The following TBCD variants were observed in gnomAD, a reference collection of about 807,000 sequenced individuals.
TBCD encodes the protein tubulin folding cofactor D.
In TBCD, 105 loss-of-function variants were observed where a neutral mutation model predicts 169.3. That is an observed-to-expected ratio of 0.62 (90% CI 0.53 to 0.73). The LOEUF (loss-of-function observed/expected upper bound fraction) is 0.73, where lower values mean the gene tolerates loss of function less well. Among genes scored for constraint, TBCD ranks in the 30% least tolerant of loss-of-function variants. TBCD has a pLI of 0.00. For missense variants in TBCD, 1,444 were observed against 1,600.1 expected (o/e 0.90, Z 1.66); for synonymous variants, 700 against 643.9 (o/e 1.09, Z -1.32).
rs1220186981 is a variant in TBCD, at chr17:82,827,063, G to T, written c.1318+12129G>T. Among the ~76,000 whole-genome samples, 6 of 152,324 alleles carry T rather than the reference G, an allele frequency of 3.9e-5. No individual in the cohort carries two copies. In the East Asian group the frequency reaches 1.2e-3, roughly 29 times the overall value. On this transcript the variant is annotated intron_variant, in intron 13 of 38. Coordinates refer to ENST00000355528, the MANE Select transcript of TBCD (RefSeq NM_005993.5). The stretch of plus-strand genomic sequence containing the variant: ...TGGGATGACAGGTGTGAGCCACTAC[G>T]CCCGGCCCCTATTTTTACTTTCAGT...
rs2050926978 is a variant in TBCD, at chr17:82,805,936, G to A, written c.1012G>A (p.Glu338Lys). The change falls in exon 10 of 39, where the codon GAG (glutamate) becomes AAG (lysine). Residue 338 changes from glutamate (E) to lysine (K), a missense_variant. Transcript: ENST00000355528. Reference sequence around the variant, plus strand: ...GCAGCTCCTCACTCAGGGTCAGAGTGAGCAGAAGCCACTCATCCTGACCGA... The same window carrying A: ...GCAGCTCCTCACTCAGGGTCAGAGTAAGCAGAAGCCACTCATCCTGACCGA... ...NLQLLTQGQSEQKPLILTEDD... is the reference protein window; with the variant it reads ...NLQLLTQGQSKQKPLILTEDD... 6.2e-7 allele frequency: 1 copy of A among 1,613,836 alleles called. No homozygotes were observed. Among genetic ancestry groups the A allele is most frequent in the Non-Finnish European group, 8.5e-7 (1 of 1,179,776 alleles).
At position 82,781,442 on chromosome 17, in the gene TBCD, G is replaced by C. The variant is rs867563472; in HGVS notation, c.639-147G>C. 102 of 1,033,846 alleles carry C rather than the reference G, an allele frequency of 9.9e-5. No individual in the cohort carries two copies. The Middle Eastern group carries it at 2.0e-3, about 21-fold the overall frequency. 64.0% of individuals were successfully genotyped at this position (1,033,846 alleles called of 1,614,324 possible). On this transcript the variant is annotated intron_variant, in intron 6 of 38. Coordinates refer to ENST00000355528, the MANE Select transcript of TBCD (RefSeq NM_005993.5). ...AGAGAGGAGGAACTAGCTGGAGGAG[G>C]ACAGGACTCAGTACAGAGCTGGCAT...
At chr17:82,893,497 C>T (rs1040350003) in intron 16 of TBCD, 50 bp from the exon 17 acceptor site, 1 of 1,411,936 alleles carries the variant, frequency 7.1e-7, no homozygotes, top group African/African-American at 1.4e-5. Flanking sequence ...GGTGAAATGC[C>T]TTTGTTCATT....
intron 6 of TBCD, among the ~76,000 whole-genome samples, chr17:82,773,852 G>C (rs536370436): frequency 6.6e-6 from 1 of 151,240 alleles, no homozygotes; most frequent in East Asian, 1.9e-4. Context: ...TCAGCCTCCC[G>C]AGTAGCTGGG....
rs1456487946 is a variant in TBCD at position 82,930,711 on chromosome 17, A to AT, written c.3113+70dup. The AT allele has an allele frequency of 8.7e-6, 14 of 1,606,014 alleles. No homozygotes were observed. Among genetic ancestry groups the AT allele is most frequent in the South Asian group, 2.2e-5 (2 of 90,382 alleles). On this transcript the variant is annotated intron_variant, in intron 33 of 38. Coordinates refer to ENST00000355528, the MANE Select transcript of TBCD (RefSeq NM_005993.5). The surrounding 1 kb of genome is among the most constrained non-coding windows in gnomAD (Gnocchi z 5.2). ...GGTGCCTCTCACCACGTTCCCACAG[A>AT]TTCCCGGGGTCTCGCAGGGTCTGTC...
chr17:82,772,628 C>G, intron 6 of TBCD, 121 bp downstream of exon 6: 1 of 1,076,736 alleles, frequency 9.3e-7, no homozygotes, highest in Non-Finnish European at 1.4e-6. Context: ...AGTCTTTGGA[C>G]TCTGTGGCTT....
At chr17:82,770,436 C>T (rs1325828198) in intron 5 of TBCD, among the ~76,000 whole-genome samples, 1 of 151,814 alleles carries the variant, frequency 6.6e-6, no homozygotes, top group African/African-American at 2.4e-5. Flanking sequence ...CTTGTCTCTA[C>T]TAAAAATACA....
chr17:82,913,808 G>C (rs79033143), intron 23 of TBCD: 1 of 152,292 alleles, frequency 6.6e-6, no homozygotes, highest in Non-Finnish European at 1.5e-5. Context: ...GCTGTTGGCC[G>C]CAGGGCACCG....
In TBCD at chr17:82,945,299, C is replaced by G. The variant is rs1026299956; in HGVS notation, c.*2836C>G. 6.6e-6 allele frequency: 1 copy of G among 152,182 alleles called. No individual in the cohort carries two copies. The highest frequency in any genetic ancestry group is 1.5e-5 in the Non-Finnish European group (1 of 68,042). 9.4% of individuals were successfully genotyped at this position (152,182 alleles called of 1,614,324 possible). A position where few individuals can be genotyped will look rare whatever the true frequency, so the allele number is the denominator to read the frequency against. ...CAAGAGACATTGAAGAATGTCTAAC[C>G]TTTGGGTAATTGGGGTCTCAGAATG... On this transcript the variant is annotated 3_prime_UTR_variant, in exon 39 of 39. Coordinates refer to ENST00000355528, the MANE Select transcript of TBCD (RefSeq NM_005993.5).
intron 35 of TBCD, chr17:82,937,561 G>A (rs900618121): frequency 4.9e-6 from 3 of 616,356 alleles, no homozygotes; most frequent in African/African-American, 3.7e-5. Flanking sequence ...GAGTTCCCGC[G>A]GGAACAGGCG....
intron 37 of TBCD, among the ~76,000 whole-genome samples, chr17:82,941,195 C>T (rs528919972): frequency 1.3e-5 from 2 of 152,374 alleles, no homozygotes; most frequent in African/African-American, 2.4e-5. Context: ...CGTCCTCCTG[C>T]GATTCCGGAA....
chr17:82,934,713 C>A (rs1255590642), intron 34 of TBCD, among the ~76,000 whole-genome samples: 1 of 151,856 alleles, frequency 6.6e-6, no homozygotes. Flanking sequence ...CTGAGGTGAT[C>A]TGCCCACTTC....
In TBCD at chr17:82,874,502, C is replaced by A. The variant is rs1024538568; in HGVS notation, c.1475+4122C>A. On this transcript the variant is annotated intron_variant, in intron 14 of 38. Coordinates refer to ENST00000355528, the MANE Select transcript of TBCD (RefSeq NM_005993.5). The surrounding 1 kb of genome is among the most constrained non-coding windows in gnomAD (Gnocchi z 5.0). ...GGGCTCGCAGCTCACAGGCTTCTGA[C>A]GCCTCAGCCTGGAGCTGGCGTTGTG... Among the ~76,000 whole-genome samples, 1 of 152,126 alleles carries A rather than the reference C, an allele frequency of 6.6e-6. No homozygotes were observed. Among genetic ancestry groups the A allele is most frequent in the Non-Finnish European group, 1.5e-5 (1 of 68,006 alleles).
intron 20 of TBCD, 69 bp from the exon 21 acceptor site, chr17:82,907,692 T>C: frequency 1.3e-6 from 2 of 1,553,624 alleles, no homozygotes; most frequent in Non-Finnish European, 1.8e-6. Flanking sequence ...TGGCCTCAGC[T>C]CCTCCGAGTG....
chr17:82,900,834 G>C (rs551458780), intron 18 of TBCD, 103 bp downstream of exon 18: 761 of 850,704 alleles, frequency 8.9e-4, no homozygotes, highest in Non-Finnish European at 1.2e-3. Flanking sequence ...TGTGGATGTC[G>C]TATTTTAAAA....
rs1347015485 is a variant in TBCD, at chr17:82,832,213, G to C, written c.1318+17279G>C. 2 of 1,614,256 alleles carry C rather than the reference G, an allele frequency of 1.2e-6. No individual in the cohort carries two copies. Among genetic ancestry groups the C allele is most frequent in the Admixed American group, 1.7e-5 (1 of 60,032 alleles). On this transcript the variant is annotated intron_variant, in intron 13 of 38. Coordinates refer to ENST00000355528, the MANE Select transcript of TBCD (RefSeq NM_005993.5). The surrounding 1 kb of genome is among the most constrained non-coding windows in gnomAD (Gnocchi z 4.9). Reference sequence around the variant, plus strand: ...CTTGGAAGAGGCTGGCTTCGCCGTGGCATCGGGCTGGTTGGTTTGCTTGGG... The same window carrying C: ...CTTGGAAGAGGCTGGCTTCGCCGTGCCATCGGGCTGGTTGGTTTGCTTGGG...
At position 82,909,445 on chromosome 17, in the gene TBCD, C is replaced by T. The variant is rs1448884730; in HGVS notation, c.2006+138C>T. On this transcript the variant is annotated intron_variant, in intron 22 of 38. Coordinates refer to ENST00000355528, the MANE Select transcript of TBCD (RefSeq NM_005993.5). ...TTGAGCGGGTGGGTGTCACCCGGCC[C>T]GCTGTGGGAGGCGCATGAGGGTCTG... 35 of 564,922 alleles carry T rather than the reference C, an allele frequency of 6.2e-5. 1 individual carries two copies. The South Asian group carries it at 8.0e-4, about 13-fold the overall frequency. The allele number at this position is 564,922 out of a possible 1,614,324, so 35.0% of individuals were successfully genotyped here. A position where few individuals can be genotyped will look rare whatever the true frequency, so the allele number is the denominator to read the frequency against.
chr17:82,905,263 T>C (rs1365630038), intron 19 of TBCD, among the ~76,000 whole-genome samples: 3 of 152,084 alleles, frequency 2.0e-5, no homozygotes, highest in Non-Finnish European at 4.4e-5. Flanking sequence ...GCCTGGGGAG[T>C]GTGTCGTCCT....
chr17:82,896,985 G>A (rs1264342436), intron 17 of TBCD, among the ~76,000 whole-genome samples: 6 of 152,142 alleles, frequency 3.9e-5, no homozygotes, highest in African/African-American at 9.6e-5. Context: ...TGACTAACTC[G>A]TGTTCTAGTG....
Sources: gnomAD v4.1 joint callset for allele counts (sites outside exome capture counted in the v4.1 genomes callset) on GRCh38, gnomAD v4.1.1 for gene constraint, Gnocchi (gnomAD v3.1) non-coding constraint, MANE v1.5 for transcripts, NCBI Gene and HGNC (gene_info 2026-07-23, HGNC 2026-07-21) for gene names.